DDX17: variants seen among roughly 807,000 people sequenced by gnomAD.
DDX17 encodes the protein DEAD-box helicase 17, also known as probable ATP-dependent RNA helicase DDX17.
DDX17 carries 10 observed loss-of-function variants against 80.8 expected under a neutral mutation model. That is an observed-to-expected ratio of 0.12 (90% CI 0.08 to 0.21). The LOEUF (loss-of-function observed/expected upper bound fraction) is 0.21. DDX17 is among the 10% of genes least tolerant of loss of function. The probability of loss-of-function intolerance (pLI) is 1.00; values close to 1 mark genes in which losing one functional copy is unlikely to be tolerated. For missense variants in DDX17, 586 were observed against 957.4 expected (o/e 0.61, Z 5.12); for synonymous variants, 339 against 336.2 (o/e 1.01, Z -0.09).
chr22:38,497,820 A>G (rs1464052870), intron 5 of DDX17, among the ~76,000 whole-genome samples: 1 of 151,910 alleles, frequency 6.6e-6, no homozygotes, highest in East Asian at 1.9e-4. Context: ...AAACCAGAAA[A>G]CACTTGATTT....
At chr22:38,488,653 A>ATTT in intron 11 of DDX17, 1 of 987,508 alleles carries the variant, frequency 1.0e-6, no homozygotes, top group Non-Finnish European at 1.2e-6. Flanking sequence ...GGAAACTTAA[A>ATTT]TGTTTTGATT....
chr22:38,497,802 C>A (rs574576063), intron 5 of DDX17, among the ~76,000 whole-genome samples: 33 of 151,856 alleles, frequency 2.2e-4, no homozygotes, highest in Admixed American at 5.9e-4. Context: ...ACAAAAAAAA[C>A]CACACCAAAA....
intron 11 of DDX17, chr22:38,488,837 G>A: frequency 1.0e-6 from 1 of 985,376 alleles, no homozygotes. Flanking sequence ...CTGCCAAAAT[G>A]AGGATATTTT....
In DDX17 at chr22:38,497,991, T is replaced by C; in HGVS notation, c.738+94A>G. The C allele has an allele frequency of 2.5e-6, 3 of 1,191,498 alleles. 1 individual carries two copies. The South Asian group carries it at 4.0e-5, about 16-fold the overall frequency. 73.8% of individuals were successfully genotyped at this position (1,191,498 alleles called of 1,614,324 possible). On this transcript the variant is annotated intron_variant, in intron 5 of 12. Transcript: ENST00000403230. Reference sequence around the variant, plus strand: ...CATTTCCACCTATGGAGGGTGTGGTTAAGAGTACAAATGGATAATGTAAAG... The same window carrying C: ...CATTTCCACCTATGGAGGGTGTGGTCAAGAGTACAAATGGATAATGTAAAG...
intron 6 of DDX17, 105 bp from the exon 7 acceptor site, chr22:38,495,151 T>C (rs2089748196): frequency 2.7e-6 from 3 of 1,116,430 alleles, no homozygotes; most frequent in South Asian, 3.1e-5. Flanking sequence ...TTGAGGCCAG[T>C]TCACAACCAG....
intron 2 of DDX17, among the ~76,000 whole-genome samples, chr22:38,500,740 C>A (rs961731391): frequency 7.0e-6 from 1 of 141,948 alleles, no homozygotes; most frequent in Non-Finnish European, 1.5e-5. Context: ...TCGCTTGAAC[C>A]CAGGAGGCGG....
chr22:38,493,955 A>G, intron 9 of DDX17, 66 bp downstream of exon 9: 1 of 1,367,094 alleles, frequency 7.3e-7, no homozygotes, highest in Non-Finnish European at 1.0e-6. Flanking sequence ...AACATTTGGA[A>G]TACCAATTTA....
chr22:38,506,174 C>G lies in DDX17; in HGVS notation c.64G>C (p.Ala22Pro). ...TCTCCCGTCGCAGACGCCACCGTCG[C>G]CGCCTCTCTCGTCGGAGACGGGAGC... The change falls in exon 1 of 13, where the codon GCG (alanine) becomes CCG (proline). Residue 22 changes from alanine (A) to proline (P), a missense_variant. Ala to Pro is a conservative substitution (Grantham distance 27). Around this residue, in one of 4 missense-constraint regions of DDX17, gnomAD observed 215 missense variants for 238.4 expected, o/e 0.90. Transcript: ENST00000403230. 6.3e-7 allele frequency: 1 copy of G among 1,598,092 alleles called. No individual in the cohort carries two copies. Among genetic ancestry groups the G allele is most frequent in the South Asian group, 1.1e-5 (1 of 88,924 alleles).
chr22:38,499,447 T>C lies in DDX17; in HGVS notation c.491A>G (p.Asp164Gly). The change falls in exon 3 of 13, where the codon GAT becomes GGT. Residue 164 changes from aspartate to glycine, a missense_variant. By Grantham distance (94) the Asp-to-Gly change is moderately conservative. This residue lies in a region of DDX17 where 215 missense variants were observed against 238.4 expected (regional missense o/e 0.90). Transcript: ENST00000403230. Reference sequence around the variant, plus strand: ...GGCAAACACGGGTTTAGGACAAACATCTCCCCCCCTCACTGTAATCTCCTT... The same window carrying C: ...GGCAAACACGGGTTTAGGACAAACACCTCCCCCCCTCACTGTAATCTCCTT... 1 of 1,613,946 alleles carries C rather than the reference T, an allele frequency of 6.2e-7. No homozygotes were observed. The highest frequency in any genetic ancestry group is 8.5e-7 in the Non-Finnish European group (1 of 1,179,928).
At chr22:38,497,764 A>T (rs1396674786) in intron 5 of DDX17, among the ~76,000 whole-genome samples, 2 of 152,078 alleles carry the variant, frequency 1.3e-5, no homozygotes, top group Admixed American at 6.6e-5. Context: ...CTCCATCTCA[A>T]AAAAACACAA....
chr22:38,491,109 C>G (rs1409686478), intron 11 of DDX17: 2 of 152,358 alleles, frequency 1.3e-5, no homozygotes, highest in East Asian at 1.9e-4. Flanking sequence ...CCTCAGAGGG[C>G]AGAGGGGCAG....
chr22:38,493,071 G>A (rs143954899), intron 10 of DDX17, among the ~76,000 whole-genome samples: 20 of 152,278 alleles, frequency 1.3e-4, no homozygotes, highest in African/African-American at 2.9e-4. Context: ...ATGAGCACAC[G>A]CTAAAAGTAC....
intron 1 of DDX17, among the ~76,000 whole-genome samples, chr22:38,503,217 G>C (rs900551077): frequency 4.6e-5 from 7 of 152,048 alleles, no homozygotes; most frequent in African/African-American, 1.7e-4. Context: ...CTCAATTGCC[G>C]CTCCCGCCAC....
intron 8 of DDX17, 83 bp from the exon 9 acceptor site, chr22:38,494,214 T>TAC: frequency 1.1e-6 from 1 of 937,856 alleles, no homozygotes; most frequent in South Asian, 1.5e-5. Context: ...CTCCCAAGGC[T>TAC]ACAGTACTTT....
intron 3 of DDX17, 94 bp from the exon 4 acceptor site, chr22:38,498,667 T>C (rs908674777): frequency 1.9e-5 from 26 of 1,348,972 alleles, no homozygotes; most frequent in African/African-American, 2.9e-5. Context: ...AAGATAAGAT[T>C]TACCCAGCTT....
rs904297397 is a variant in DDX17, at chr22:38,489,622, T to TA, written c.1448-1508dup. ...TAATTTCAAGGGAGAAAGGGGAGAT[T>TA]AAAAAAAAAAAATTAGCTGTTGTTA... On this transcript the variant is annotated intron_variant, in intron 11 of 12. Transcript: ENST00000403230. The surrounding 1 kb of genome is among the most constrained non-coding windows in gnomAD (Gnocchi z 4.6). 3.8e-5 allele frequency: 29 copies of TA among 771,316 alleles called. No homozygotes were observed. In the East Asian group the frequency reaches 5.0e-4, roughly 13 times the overall value. The allele number at this position is 771,316 out of a possible 1,614,324, so 47.8% of individuals were successfully genotyped here.
chr22:38,489,797 G>C lies in DDX17; in HGVS notation c.1448-1682C>G, dbSNP rs1359747369. ...GCTTGAGTCTCCGGCTAGGGTCGTT[G>C]ACGCAACAAAGGAAAAAAGAATTTA... On this transcript the variant is annotated intron_variant, in intron 11 of 12. Coordinates refer to ENST00000403230, the MANE Select transcript of DDX17 (RefSeq NM_006386.5). The surrounding 1 kb of genome is among the most constrained non-coding windows in gnomAD (Gnocchi z 4.6). 1 of 985,476 alleles carries C rather than the reference G, an allele frequency of 1.0e-6. No individual in the cohort carries two copies. The highest frequency in any genetic ancestry group is 1.2e-6 in the Non-Finnish European group (1 of 830,136). 61.0% of individuals were successfully genotyped at this position (985,476 alleles called of 1,614,324 possible). A position where few individuals can be genotyped will look rare whatever the true frequency, so the allele number is the denominator to read the frequency against.
Position 38,484,981 on chromosome 22 carries a change from A to T in DDX17, c.*954T>A, listed in dbSNP as rs951482077. 6.6e-6 allele frequency: 1 copy of T among 152,238 alleles called. No homozygotes were observed. The highest frequency in any genetic ancestry group is 1.5e-5 in the Non-Finnish European group (1 of 68,036). The allele number at this position is 152,238 out of a possible 1,614,324, so 9.4% of individuals were successfully genotyped here. A position where few individuals can be genotyped will look rare whatever the true frequency, so the allele number is the denominator to read the frequency against. ...AGCTCTACACTGCATTTGAAAATAA[A>T]ATTTGCCCATTTTGAATATATTGTT... On this transcript the variant is annotated 3_prime_UTR_variant, in exon 13 of 13. Coordinates refer to ENST00000403230, the MANE Select transcript of DDX17 (RefSeq NM_006386.5).
At chr22:38,497,268 C>T (rs375941766) in intron 5 of DDX17, among the ~76,000 whole-genome samples, 1 of 110,826 alleles carries the variant, frequency 9.0e-6, no homozygotes, top group African/African-American at 3.6e-5. Context: ...TGTACTCCAG[C>T]GTGGGCAACC....
Sources: allele counts gnomAD v4.1 joint callset (sites outside exome capture counted in the v4.1 genomes callset), GRCh38; gene constraint gnomAD v4.1.1; regional missense constraint gnomAD v4.1.1; non-coding constraint Gnocchi (gnomAD v3.1); transcripts MANE v1.5; gene names NCBI Gene and HGNC (gene_info 2026-07-23, HGNC 2026-07-21).